PDCD2: variants seen among roughly 807,000 people sequenced by gnomAD.
The protein encoded by PDCD2 is programmed cell death 2.
Under a neutral mutation model 38.1 loss-of-function variants are expected in PDCD2, and 38 were observed. The ratio of observed to expected loss-of-function variants is 1.00; its 90% CI spans 0.77 to 1.31. The LOEUF (loss-of-function observed/expected upper bound fraction) is 1.31, where lower values mean the gene tolerates loss of function less well. Among genes scored for constraint, PDCD2 ranks in the 50% most tolerant of loss-of-function variants. PDCD2 has a pLI of 0.00. For missense variants in PDCD2, 473 were observed against 435.7 expected, an observed-to-expected ratio of 1.09 and a Z score of -0.76; for synonymous variants, 205 against 168.9, an observed-to-expected ratio of 1.21 and a Z score of -1.66.
intron 3 of PDCD2, chr6:170,582,153 G>A (rs1210547397): frequency 1.3e-6 from 2 of 1,531,328 alleles, no homozygotes; most frequent in Non-Finnish European, 8.7e-7. Flanking sequence ...CATGGCACCT[G>A]TATTGTACTC....
At chr6:170,584,041 A>C (rs1380902874) in intron 1 of PDCD2, 1 of 540,508 alleles carries the variant, frequency 1.9e-6, no homozygotes, top group Admixed American at 3.7e-5. Context: ...CTATTATCTG[A>C]ATTAACACCA....
chr6:170,579,811 G>A (rs1046738479), intron 4 of PDCD2, 191 bp downstream of exon 4: 2 of 532,050 alleles, frequency 3.8e-6, no homozygotes, highest in Non-Finnish European at 6.7e-6. Context: ...CTATTAAATG[G>A]ATCAGCACTG....
rs2115008743 is a variant in PDCD2, at chr6:170,577,386, A to G, written c.*173T>C. 1.7e-6 allele frequency: 1 copy of G among 588,122 alleles called. No homozygotes were observed. Among genetic ancestry groups the G allele is most frequent in the African/African-American group, 1.9e-5 (1 of 53,636 alleles). The allele number at this position is 588,122 out of a possible 1,614,324, so 36.4% of individuals were successfully genotyped here. The stretch of plus-strand genomic sequence containing the variant: ...CTGTGGATGTACCAAAATTTATTTA[A>G]TTCCCTGTCACTGGACACTTTTGTT... On this transcript the variant is annotated 3_prime_UTR_variant, in exon 6 of 6. Coordinates refer to ENST00000541970, the MANE Select transcript of PDCD2 (RefSeq NM_002598.4).
Position 170,576,459 on chromosome 6 carries a change from T to G in PDCD2, c.*1100A>C, listed in dbSNP as rs1779454279. 6.6e-6 allele frequency: 1 copy of G among 152,238 alleles called. No individual in the cohort carries two copies. The highest frequency in any genetic ancestry group is 2.4e-5 in the African/African-American group (1 of 41,468). 9.4% of individuals were successfully genotyped at this position (152,238 alleles called of 1,614,324 possible). On this transcript the variant is annotated 3_prime_UTR_variant, in exon 6 of 6. Transcript: ENST00000541970. Reference sequence around the variant, plus strand: ...AATAAGCCTGAGAAATTTATCAGAATTAGCCGTCAGTATTCAAGCACTGAT... The same window carrying G: ...AATAAGCCTGAGAAATTTATCAGAAGTAGCCGTCAGTATTCAAGCACTGAT...
chr6:170,580,990 A>C (rs1779578944), intron 3 of PDCD2: 1 of 152,186 alleles, frequency 6.6e-6, no homozygotes, highest in African/African-American at 2.4e-5. Context: ...ATACGTGGAA[A>C]GTTTCAGTAT....
rs574545805 is a variant in PDCD2, at chr6:170,579,327, G to A, written c.763-357C>T. 7.9e-5 allele frequency: 15 copies of A among 190,120 alleles called. No homozygotes were observed. In the South Asian group the frequency reaches 2.7e-3, roughly 35 times the overall value. The allele number at this position is 190,120 out of a possible 1,614,324, so 11.8% of individuals were successfully genotyped here. A position where few individuals can be genotyped will look rare whatever the true frequency, so the allele number is the denominator to read the frequency against. On this transcript the variant is annotated intron_variant, in intron 4 of 5. Transcript: ENST00000541970. ...CCCAGAGTCTGTGCCTACCTTCATAGTTAAAAAATTTTAGGAGGGACAAAT... is the reference window on the plus strand; with the variant it reads ...CCCAGAGTCTGTGCCTACCTTCATAATTAAAAAATTTTAGGAGGGACAAAT...
chr6:170,581,535 C>T (rs1779595961), intron 3 of PDCD2: 1 of 152,672 alleles, frequency 6.5e-6, no homozygotes, highest in African/African-American at 2.4e-5. Flanking sequence ...GACCATGTTC[C>T]CACATTATAT....
rs1219331305 is a variant in PDCD2 at position 170,584,477 on chromosome 6, C to T, written c.105G>A (p.Pro35=). Residue 35 remains proline (P), a synonymous_variant, in exon 1 of 6, where the codon CCG becomes CCA. Coordinates refer to ENST00000541970, the MANE Select transcript of PDCD2 (RefSeq NM_002598.4). ...GCAGCCCGGCCGCGCCCAGCCATGC[C>T]GGCCGCCCGCCCACCTTGCTGGGGA... The part of the protein sequence containing the change: ...EQFPSKVGGR[P]AWLGAAGLPG... 5 of 1,313,866 alleles carry T rather than the reference C, an allele frequency of 3.8e-6. No homozygotes were observed. In the South Asian group the frequency reaches 1.1e-4, roughly 30 times the overall value. 81.4% of individuals were successfully genotyped at this position (1,313,866 alleles called of 1,614,324 possible). A position where few individuals can be genotyped will look rare whatever the true frequency, so the allele number is the denominator to read the frequency against.
rs1284016917 is a variant in PDCD2 at position 170,576,583 on chromosome 6, T to A, written c.*976A>T. On this transcript the variant is annotated 3_prime_UTR_variant, in exon 6 of 6. Transcript: ENST00000541970. Reference sequence around the variant, plus strand: ...GGGGATGGAAGAAACCTTAGTGTAGTCTTAGGAGCCGCTTGCTTAAACAGA... The same window carrying A: ...GGGGATGGAAGAAACCTTAGTGTAGACTTAGGAGCCGCTTGCTTAAACAGA... 6.6e-6 allele frequency: 1 copy of A among 152,104 alleles called. No homozygotes were observed. The highest frequency in any genetic ancestry group is 6.6e-5 in the Admixed American group (1 of 15,266). 9.4% of individuals were successfully genotyped at this position (152,104 alleles called of 1,614,324 possible).
rs774609988 is a variant in PDCD2, at chr6:170,584,318, C to T, written c.264G>A (p.Pro88=). 8.0e-6 allele frequency: 12 copies of T among 1,493,642 alleles called. No individual in the cohort carries two copies. In the South Asian group the frequency reaches 1.5e-4, roughly 19 times the overall value. The allele number at this position is 1,493,642 out of a possible 1,614,324, so 92.5% of individuals were successfully genotyped here. A position where few individuals can be genotyped will look rare whatever the true frequency, so the allele number is the denominator to read the frequency against. The change falls in exon 1 of 6, where the codon CCG becomes CCA. Residue 88 remains proline, a synonymous_variant. Coordinates refer to ENST00000541970, the MANE Select transcript of PDCD2 (RefSeq NM_002598.4). ...CIFLFCCREQ[P]CCAGLRVFRN... Reference sequence around the variant, plus strand: ...GCTCACCTCGCAGGCCGGCACAGCACGGCTGCTCGCGGCAGCAGAAGAGGA... The same window carrying T: ...GCTCACCTCGCAGGCCGGCACAGCATGGCTGCTCGCGGCAGCAGAAGAGGA...
rs1427434007 is a variant in PDCD2 at position 170,584,591 on chromosome 6, G to T, written c.-10C>A. The stretch of plus-strand genomic sequence containing the variant: ...CCCCGGCGGCAGCCATGCGGGGCGC[G>T]GGCTGGCGTGGGGCGCAGCCCACAG... On this transcript the variant is annotated 5_prime_UTR_variant, in exon 1 of 6. Transcript: ENST00000541970. 4.0e-6 allele frequency: 5 copies of T among 1,254,756 alleles called. No homozygotes were observed. Among genetic ancestry groups the T allele is most frequent in the Non-Finnish European group, 5.0e-6 (5 of 998,974 alleles). The allele number at this position is 1,254,756 out of a possible 1,614,324, so 77.7% of individuals were successfully genotyped here.
Position 170,582,380 on chromosome 6 carries a change from C to A in PDCD2, c.658+677G>T, listed in dbSNP as rs1340848001. 5 of 1,519,696 alleles carry A rather than the reference C, an allele frequency of 3.3e-6. No individual in the cohort carries two copies. In the South Asian group the frequency reaches 6.1e-5, roughly 19 times the overall value. The allele number at this position is 1,519,696 out of a possible 1,614,324, so 94.1% of individuals were successfully genotyped here. A position where few individuals can be genotyped will look rare whatever the true frequency, so the allele number is the denominator to read the frequency against. On this transcript the variant is annotated intron_variant, in intron 3 of 5. Transcript: ENST00000541970. Reference sequence around the variant, plus strand: ...ATGTTTTCATTTTGAGTCTATAAATCTAATTTTGTGGTGGTTTTGTGTATG... The same window carrying A: ...ATGTTTTCATTTTGAGTCTATAAATATAATTTTGTGGTGGTTTTGTGTATG...
intron 3 of PDCD2, 181 bp downstream of exon 3, chr6:170,582,876 C>A: frequency 7.0e-7 from 1 of 1,419,626 alleles, no homozygotes. Flanking sequence ...GAACACACCT[C>A]TTATGTGTCA....
chr6:170,582,998 C>T, intron 3 of PDCD2, 59 bp downstream of exon 3: 1 of 1,569,626 alleles, frequency 6.4e-7, no homozygotes, highest in South Asian at 1.2e-5. Context: ...GCACATGGAG[C>T]CCTTTCTTCC....
rs1779740838 is a variant in PDCD2, at chr6:170,584,388, T to A, written c.194A>T (p.Tyr65Phe). Residue 65 changes from tyrosine (Y) to phenylalanine (F), a missense_variant, in exon 1 of 6, where the codon TAT becomes TTT. Tyr to Phe is a conservative substitution (Grantham distance 22). Coordinates refer to ENST00000541970, the MANE Select transcript of PDCD2 (RefSeq NM_002598.4). Reference sequence around the variant, plus strand: ...GTCCGGGCGGCCAGGCAGCGGCGCATACACCTGCAGCAGGAAGGAGAGCGG... The same window carrying A: ...GTCCGGGCGGCCAGGCAGCGGCGCAAACACCTGCAGCAGGAAGGAGAGCGG... ...GRPLSFLLQV[Y>F]APLPGRPDAF... 1 of 1,474,294 alleles carries A rather than the reference T, an allele frequency of 6.8e-7. No individual in the cohort carries two copies. The allele number at this position is 1,474,294 out of a possible 1,614,324, so 91.3% of individuals were successfully genotyped here.
intron 1 of PDCD2, 92 bp from the exon 2 acceptor site, chr6:170,583,839 AC>A: frequency 1.0e-6 from 1 of 994,270 alleles, no homozygotes; most frequent in South Asian, 1.7e-5. Flanking sequence ...AATAACAACA[AC>A]AAAAAAGAAA....
chr6:170,577,743 G>T (rs754265751), intron 5 of PDCD2, 26 bp from the exon 6 acceptor site: 1 of 1,610,022 alleles, frequency 6.2e-7, no homozygotes, highest in South Asian at 1.1e-5. Flanking sequence ...CACACAGTTA[G>T]AAAGCTGCTT....
In PDCD2 at chr6:170,577,560, T is replaced by C; in HGVS notation, c.1034A>G (p.Ter345=). The change falls in exon 6 of 6, where the codon TAA becomes TGA. Residue 345 remains the stop codon, a stop_retained_variant. Coordinates refer to ENST00000541970, the MANE Select transcript of PDCD2 (RefSeq NM_002598.4). ...VWKQDVTDTP[*] ...ATTTTTCAAGGCTTTAAGATGCCTT[T>C]ACGGTGTATCTGTTACATCCTGCTT... The C allele has an allele frequency of 6.2e-7, 1 of 1,613,554 alleles. No homozygotes were observed. Among genetic ancestry groups the C allele is most frequent in the Non-Finnish European group, 8.5e-7 (1 of 1,179,516 alleles).
rs1382843529 is a variant in PDCD2 at position 170,576,037 on chromosome 6, C to T, written c.*1522G>A. ...GCTTCCTACTAAGTGTTGCGACCAG[C>T]TCTTGTCACTAGTTGATGACAACTT... On this transcript the variant is annotated 3_prime_UTR_variant, in exon 6 of 6. Transcript: ENST00000541970. The T allele has an allele frequency of 6.6e-6, 1 of 152,200 alleles. No homozygotes were observed. Among genetic ancestry groups the T allele is most frequent in the Non-Finnish European group, 1.5e-5 (1 of 68,028 alleles). The allele number at this position is 152,200 out of a possible 1,614,324, so 9.4% of individuals were successfully genotyped here. A position where few individuals can be genotyped will look rare whatever the true frequency, so the allele number is the denominator to read the frequency against.
Sources: gnomAD v4.1 joint callset for allele counts on GRCh38, gnomAD v4.1.1 for gene constraint, MANE v1.5 for transcripts, NCBI Gene and HGNC (gene_info 2026-07-23, HGNC 2026-07-21) for gene names.